Variants in AKAP6 observed in about 807,000 individuals in gnomAD.
AKAP6 encodes the protein A-kinase anchor protein 6.
In AKAP6, 58 loss-of-function variants were observed where a neutral mutation model predicts 188.5. That is an observed-to-expected ratio of 0.31 (90% CI 0.25 to 0.38). The LOEUF (loss-of-function observed/expected upper bound fraction) is 0.38. Ranked by LOEUF, AKAP6 falls within the 10% of genes least tolerant of loss-of-function variation. AKAP6 has a pLI of 1.00. For missense variants in AKAP6, 2,710 were observed against 2,740.0 expected (o/e 0.99, Z 0.24); for synonymous variants, 989 against 998.6 (o/e 0.99, Z 0.18).
rs982622 is a variant in AKAP6, at chr14:32,758,969, A to T, written c.3373-14709A>T. Among the ~76,000 whole-genome samples, 892 of 152,250 alleles carry T rather than the reference A, an allele frequency of 5.9e-3. 15 individuals are homozygous for T. The highest frequency in any genetic ancestry group is 0.021 in the African/African-American group (860 of 41,542). On this transcript the variant is annotated intron_variant, in intron 11 of 13. Transcript: ENST00000280979. ...GCTCAACTCAGCATAGAGTTTGCTA[A>T]CATTTTTCACCTTGTGTTTATGTTG...
At chr14:32,465,587 C>T (rs1566519509) in intron 2 of AKAP6, among the ~76,000 whole-genome samples, 1 of 152,130 alleles carries the variant, frequency 6.6e-6, no homozygotes, top group African/African-American at 2.4e-5. Flanking sequence ...CAAAAATTAA[C>T]TCAAGATGGA....
At chr14:32,486,125 C>T (rs1365241293) in intron 2 of AKAP6, among the ~76,000 whole-genome samples, 3 of 151,894 alleles carry the variant, frequency 2.0e-5, no homozygotes, top group African/African-American at 4.8e-5. Context: ...GTCAGATGGT[C>T]GTAGATGTGG....
rs1354231420 is a variant in AKAP6 at position 32,829,853 on chromosome 14, C to T, written c.*48C>T. ...CACTTTTTTGTTTCTTGTAGATACG[C>T]CTGGCTGCAACTCAGGGGTGGCCTC... On this transcript the variant is annotated 3_prime_UTR_variant, in exon 14 of 14. Transcript: ENST00000280979. 5 of 700,302 alleles carry T rather than the reference C, an allele frequency of 7.1e-6. No individual in the cohort carries two copies. The South Asian group carries it at 7.4e-5, about 10-fold the overall frequency. 43.4% of individuals were successfully genotyped at this position (700,302 alleles called of 1,614,324 possible). A position where few individuals can be genotyped will look rare whatever the true frequency, so the allele number is the denominator to read the frequency against.
intron 1 of AKAP6, among the ~76,000 whole-genome samples, chr14:32,341,138 A>T (rs767150764): frequency 6.6e-6 from 1 of 152,264 alleles, no homozygotes; most frequent in Non-Finnish European, 1.5e-5. Flanking sequence ...ATTATCTTTC[A>T]CAAGAAAATT....
chr14:32,644,621 G>A (rs117072830), intron 7 of AKAP6, among the ~76,000 whole-genome samples: 3 of 152,208 alleles, frequency 2.0e-5, no homozygotes, highest in East Asian at 3.9e-4. Context: ...TAACAAGGCC[G>A]TGGATGGCTT....
intron 2 of AKAP6, chr14:32,442,218 A>G (rs1352194622): frequency 6.6e-6 from 1 of 152,216 alleles, no homozygotes; most frequent in East Asian, 1.9e-4. Flanking sequence ...TAAGTGATCA[A>G]CTTGGGAGTC....
At chr14:32,731,235 C>T (rs1433491746) in intron 9 of AKAP6, among the ~76,000 whole-genome samples, 1 of 152,096 alleles carries the variant, frequency 6.6e-6, no homozygotes, top group Non-Finnish European at 1.5e-5. Flanking sequence ...AGTATGCAAA[C>T]ATATGCACGC....
intron 4 of AKAP6, among the ~76,000 whole-genome samples, chr14:32,551,768 C>T (rs2139176239): frequency 6.6e-6 from 1 of 151,618 alleles, no homozygotes; most frequent in South Asian, 2.1e-4. Context: ...ACGCCATTCT[C>T]CTGCCTCTGC....
intron 1 of AKAP6, among the ~76,000 whole-genome samples, chr14:32,350,923 A>G (rs17392924): frequency 0.075 from 11,468 of 152,140 alleles, 532 homozygotes; most frequent in Non-Finnish European, 0.085. Context: ...TAGCTTAACA[A>G]TTTGGCATAT....
chr14:32,470,257 T>G (rs931004426), intron 2 of AKAP6, among the ~76,000 whole-genome samples: 6 of 152,174 alleles, frequency 3.9e-5, no homozygotes, highest in African/African-American at 1.4e-4. Context: ...TCTCCCTGCA[T>G]TTTAACAAGA....
At chr14:32,337,720 C>T (rs976241279) in intron 1 of AKAP6, among the ~76,000 whole-genome samples, 1 of 141,138 alleles carries the variant, frequency 7.1e-6, no homozygotes, top group Admixed American at 7.1e-5. Context: ...TATCCTTCCC[C>T]CCTCCCCCCA....
At chr14:32,400,302 C>T (rs1889040522) in intron 1 of AKAP6, among the ~76,000 whole-genome samples, 1 of 151,200 alleles carries the variant, frequency 6.6e-6, no homozygotes, top group Admixed American at 6.6e-5. Flanking sequence ...TCATAAGAAT[C>T]TCAGTTTTAT....
At chr14:32,420,326 T>C (rs1391199106) in intron 1 of AKAP6, among the ~76,000 whole-genome samples, 1 of 152,148 alleles carries the variant, frequency 6.6e-6, no homozygotes, top group Non-Finnish European at 1.5e-5. Flanking sequence ...TGTAGCTCAT[T>C]CCCCTACCCT....
chr14:32,581,176 A>G (rs1329766148), intron 5 of AKAP6, among the ~76,000 whole-genome samples: 3 of 152,148 alleles, frequency 2.0e-5, no homozygotes, highest in Admixed American at 6.5e-5. Context: ...CCAACAGTGT[A>G]AAAGTGTTCC....
At chr14:32,608,778 T>C (rs1361334470) in intron 7 of AKAP6, among the ~76,000 whole-genome samples, 1 of 152,214 alleles carries the variant, frequency 6.6e-6, no homozygotes, top group Non-Finnish European at 1.5e-5. Flanking sequence ...CAGCCATTTT[T>C]ATTGGCAGAT....
intron 1 of AKAP6, among the ~76,000 whole-genome samples, chr14:32,424,674 C>A (rs924921215): frequency 6.6e-6 from 1 of 152,078 alleles, no homozygotes; most frequent in African/African-American, 2.4e-5. Context: ...CTCTGAAAGG[C>A]CCCAGTGTAT....
At chr14:32,554,846 C>T (rs979409430) in intron 4 of AKAP6, among the ~76,000 whole-genome samples, 1 of 152,104 alleles carries the variant, frequency 6.6e-6, no homozygotes, top group Non-Finnish European at 1.5e-5. Flanking sequence ...GCGCATGGTC[C>T]GCCTCTCACA....
chr14:32,724,994 A>AAAAAAAAAAAAC, intron 9 of AKAP6, among the ~76,000 whole-genome samples: 1 of 144,692 alleles, frequency 6.9e-6, no homozygotes, highest in Non-Finnish European at 1.5e-5. Context: ...TCAACCTAAA[A>AAAAAAAAAAAAC]AAAAAAAAAA....
At chr14:32,653,311 A>G (rs1358909745) in intron 7 of AKAP6, among the ~76,000 whole-genome samples, 1 of 152,098 alleles carries the variant, frequency 6.6e-6, no homozygotes, top group South Asian at 2.1e-4. Flanking sequence ...CCCAAATATC[A>G]TGTTGAATTG....
Sources: allele counts gnomAD v4.1 joint callset (sites outside exome capture counted in the v4.1 genomes callset), GRCh38; gene constraint gnomAD v4.1.1; transcripts MANE v1.5; gene names NCBI Gene and HGNC (gene_info 2026-07-23, HGNC 2026-07-21).